The following AIRIM variants were observed in gnomAD, a reference collection of about 807,000 sequenced individuals.
AIRIM encodes AFG2 interacting ribosome maturation factor, also known as AFG2-interacting ribosome maturation factor.
At chr1:37,687,276 C>G in the AIRIM span, among the ~76,000 whole-genome samples, 2 of 151,100 alleles carry the variant, frequency 1.3e-5, no homozygotes, top group Non-Finnish European at 3.0e-5. Flanking sequence ...TACAGGCATG[C>G]GCCACCACAC....
the AIRIM span, chr1:37,681,950 G>A: frequency 6.6e-6 from 1 of 152,206 alleles, no homozygotes; most frequent in Admixed American, 6.5e-5. Context: ...AATTGGTCAG[G>A]AGCAGTGGCT....
At chr1:37,686,336 AC>A in the AIRIM span, 1 of 1,614,086 alleles carries the variant, frequency 6.2e-7, no homozygotes, top group Non-Finnish European at 8.5e-7. Context: ...AGAGGGGCTC[AC>A]TGCTGAAGGC....
the AIRIM span, chr1:37,689,553 A>G: frequency 3.3e-6 from 5 of 1,520,738 alleles, no homozygotes; most frequent in Admixed American, 6.4e-5. Context: ...TACATATAAA[A>G]CACCTCGTTT....
the AIRIM span, chr1:37,690,543 C>G: frequency 8.8e-7 from 1 of 1,140,144 alleles, no homozygotes; most frequent in Non-Finnish European, 1.1e-6. Flanking sequence ...CACACGCGAC[C>G]TCCCCACAAA....
the AIRIM span, among the ~76,000 whole-genome samples, chr1:37,688,716 G>A: frequency 6.6e-6 from 1 of 152,084 alleles, no homozygotes; most frequent in Admixed American, 6.6e-5. Flanking sequence ...TCCAGTTCAA[G>A]GAAAGGCCAC....
chr1:37,690,874 G>A, the AIRIM span, among the ~76,000 whole-genome samples: 1 of 152,172 alleles, frequency 6.6e-6, no homozygotes, highest in African/African-American at 2.4e-5. Context: ...GGCTCCTGAC[G>A]TGGCAGCTCT....
chr1:37,685,042 ACT>A, the AIRIM span, among the ~76,000 whole-genome samples: 1 of 152,028 alleles, frequency 6.6e-6, no homozygotes, highest in Non-Finnish European at 1.5e-5. Flanking sequence ...GCTTCAACTA[ACT>A]GGTCTTTCTG....
chr1:37,687,716 G>GTGA, the AIRIM span, among the ~76,000 whole-genome samples: 1 of 152,130 alleles, frequency 6.6e-6, no homozygotes, highest in Admixed American at 6.6e-5. Flanking sequence ...GGGCAACAGG[G>GTGA]TGAGACTGTC....
chr1:37,685,594 C>A, the AIRIM span, among the ~76,000 whole-genome samples: 3 of 151,930 alleles, frequency 2.0e-5, no homozygotes, highest in African/African-American at 7.3e-5. Context: ...CACCATGTTG[C>A]CCAGGCTGGT....
chr1:37,690,087 G>C, the AIRIM span: 3 of 1,364,442 alleles, frequency 2.2e-6, no homozygotes, highest in African/African-American at 4.4e-5. Context: ...CGCTATCTCG[G>C]CTCACTGCAA....
chr1:37,681,576 T>C, the AIRIM span: 1 of 152,234 alleles, frequency 6.6e-6, no homozygotes, highest in Non-Finnish European at 1.5e-5. Flanking sequence ...TAAATGCTTT[T>C]TAAGTTTTAT....
the AIRIM span, chr1:37,683,509 A>C: frequency 1.3e-6 from 2 of 1,540,676 alleles, no homozygotes; most frequent in Non-Finnish European, 1.8e-6. Context: ...CCTGGTGAGA[A>C]CCAGAGGGAG....
chr1:37,689,739 GT>G, the AIRIM span: 1 of 1,613,930 alleles, frequency 6.2e-7, no homozygotes, highest in Non-Finnish European at 8.5e-7. Context: ...GCCTGCAGCT[GT>G]TCCGCCAGGT....
At chr1:37,691,781 C>T in the AIRIM span, among the ~76,000 whole-genome samples, 2 of 152,252 alleles carry the variant, frequency 1.3e-5, no homozygotes. Flanking sequence ...AGCGCCACTA[C>T]TTGCACCTGA....
chr1:37,689,571 C>T, the AIRIM span: 7 of 1,534,956 alleles, frequency 4.6e-6, no homozygotes, highest in Non-Finnish European at 6.1e-6. Flanking sequence ...TTTTAAAATC[C>T]TTCCACCAAG....
At chr1:37,689,468 T>A in the AIRIM span, 3 of 951,342 alleles carry the variant, frequency 3.2e-6, no homozygotes, top group African/African-American at 1.9e-5. Context: ...CTGCCCCAGA[T>A]GAAGTAAGGA....
chr1:37,690,233 C>T, the AIRIM span: 5 of 1,271,660 alleles, frequency 3.9e-6, no homozygotes, highest in East Asian at 2.7e-4. Context: ...GATCCGCCCG[C>T]CTCGGTCTTC....
chr1:37,683,485 G>A, the AIRIM span: 2 of 1,582,032 alleles, frequency 1.3e-6, no homozygotes, highest in Non-Finnish European at 1.7e-6. Flanking sequence ...GTATGCTGAA[G>A]TGAAAAAAAA....
the AIRIM span, chr1:37,690,957 C>G: frequency 1.8e-4 from 28 of 152,480 alleles, no homozygotes; most frequent in African/African-American, 6.7e-4. Context: ...GAAGGAAACC[C>G]TGAAACCGAG....
Sources: gnomAD v4.1 joint callset for allele counts (sites outside exome capture counted in the v4.1 genomes callset) on GRCh38, gnomAD v4.1.1 for gene constraint, MANE v1.5 for transcripts, NCBI Gene and HGNC (gene_info 2026-07-23, HGNC 2026-07-21) for gene names.